The following MOV10L1 variants were observed in gnomAD, a reference collection of about 807,000 sequenced individuals.
The protein encoded by MOV10L1 is Mov10 like RNA helicase 1.
In MOV10L1, 110 loss-of-function variants were observed where a neutral mutation model predicts 143.8. That is an observed-to-expected ratio of 0.76 (90% CI 0.66 to 0.90). The LOEUF (loss-of-function observed/expected upper bound fraction) is 0.90, where lower values mean the gene tolerates loss of function less well. MOV10L1 is among the 40% of genes least tolerant of loss of function. The pLI is 0.00. For synonymous variants in MOV10L1, 593 were observed against 581.1 expected (o/e 1.02, Z -0.29); for missense variants, 1,406 against 1,526.8 (o/e 0.92, Z 1.32).
At chr22:50,149,844 G>T in intron 20 of MOV10L1, 130 bp downstream of exon 20, 1 of 722,296 alleles carries the variant, frequency 1.4e-6, no homozygotes. Flanking sequence ...ACCCCGAGGT[G>T]TTGGGGGCCA....
At position 50,130,477 on chromosome 22, in the gene MOV10L1, C is replaced by T. The variant is rs17836626; in HGVS notation, c.1910+1970C>T. Among the ~76,000 whole-genome samples the T allele has an allele frequency of 7.8e-3, 1,191 of 152,046 alleles. 61 individuals are homozygous for T. The East Asian group carries it at 0.12, about 15-fold the overall frequency. The stretch of plus-strand genomic sequence containing the variant: ...GGACTACGGGGGAATGGAGAAATGT[C>T]GTTGATTCCTTTTTAAGGCATTTGC... On this transcript the variant is annotated intron_variant, in intron 13 of 26. Transcript: ENST00000262794.
At chr22:50,096,112 G>A (rs1046090097) in intron 2 of MOV10L1, 7 of 152,108 alleles carry the variant, frequency 4.6e-5, no homozygotes, top group African/African-American at 1.4e-4. Context: ...CATTAAGCAC[G>A]TTCACATTGT....
chr22:50,150,589 TC>T, intron 20 of MOV10L1, 145 bp from the exon 21 acceptor site: 1 of 903,054 alleles, frequency 1.1e-6, no homozygotes, highest in Non-Finnish European at 1.6e-6. Flanking sequence ...CTGTCGGCAT[TC>T]CCTGGTCTCC....
At chr22:50,117,788 A>G (rs183189379) in intron 9 of MOV10L1, among the ~76,000 whole-genome samples, 1 of 152,174 alleles carries the variant, frequency 6.6e-6, no homozygotes, top group East Asian at 1.9e-4. Context: ...ATGTGGTACC[A>G]CTTAAGAATG....
At chr22:50,117,665 G>A (rs1383929728) in intron 9 of MOV10L1, among the ~76,000 whole-genome samples, 1 of 152,200 alleles carries the variant, frequency 6.6e-6, no homozygotes, top group Non-Finnish European at 1.5e-5. Context: ...GCCTCACCCA[G>A]CTCCTGCCAC....
chr22:50,126,403 A>C, intron 12 of MOV10L1, 131 bp downstream of exon 12: 1 of 560,950 alleles, frequency 1.8e-6, no homozygotes, highest in Non-Finnish European at 3.2e-6. Flanking sequence ...ATGTCAAGAT[A>C]CAGTGAATCT....
At position 50,133,878 on chromosome 22, in the gene MOV10L1, T is replaced by C. The variant is rs532394575; in HGVS notation, c.1911-129T>C. ...TTTTTCTGTTCTCTATTTCATTGATTGTTGGATTGTTGCTGTGATTTTTTT... is the reference window on the plus strand; with the variant it reads ...TTTTTCTGTTCTCTATTTCATTGATCGTTGGATTGTTGCTGTGATTTTTTT... On this transcript the variant is annotated intron_variant, in intron 13 of 26. Transcript: ENST00000262794. 4.1e-5 allele frequency: 32 copies of C among 779,470 alleles called. No individual in the cohort carries two copies. In the South Asian group the frequency reaches 4.9e-4, roughly 12 times the overall value. 48.3% of individuals were successfully genotyped at this position (779,470 alleles called of 1,614,324 possible).
At position 50,120,617 on chromosome 22, in the gene MOV10L1, G is replaced by A; in HGVS notation, c.1569+1G>A. ...GACTTTCCAGCCATTACTTGCAGAG[G>A]TAGGAAGTGTCTCATGGCCTGTGGG... On this transcript the variant is annotated splice_donor_variant, in intron 10 of 26. Coordinates refer to ENST00000262794, the MANE Select transcript of MOV10L1 (RefSeq NM_018995.3). LOFTEE classifies it high-confidence loss of function. The A allele has an allele frequency of 6.3e-7, 1 of 1,596,020 alleles. No individual in the cohort carries two copies. The highest frequency in any genetic ancestry group is 1.7e-5 in the Admixed American group (1 of 59,804).
At chr22:50,107,906 G>A (rs935135218) in intron 3 of MOV10L1, among the ~76,000 whole-genome samples, 3 of 152,252 alleles carry the variant, frequency 2.0e-5, no homozygotes, top group African/African-American at 7.2e-5. Flanking sequence ...GCACCTTCTA[G>A]AGCCTGGAGG....
At position 50,090,216 on chromosome 22, in the gene MOV10L1, T is replaced by C. The variant is rs1602089368; in HGVS notation, c.97+31T>C. 2.8e-6 allele frequency: 4 copies of C among 1,409,778 alleles called. 1 individual carries two copies. The highest frequency in any genetic ancestry group is 5.1e-4 in the Middle Eastern group (2 of 3,904). 87.3% of individuals were successfully genotyped at this position (1,409,778 alleles called of 1,614,324 possible). ...TCGCGGGAGGCGGCTGGGAGGCGGG[T>C]CCCGGGCCCTCGCGTGTCGGCCACG... On this transcript the variant is annotated intron_variant, in intron 1 of 26. Transcript: ENST00000262794.
At position 50,117,112 on chromosome 22, in the gene MOV10L1, A is replaced by G. The variant is rs778016763; in HGVS notation, c.1260-45A>G. 7.1e-6 allele frequency: 11 copies of G among 1,559,442 alleles called. No homozygotes were observed. In the South Asian group the frequency reaches 1.1e-4, roughly 15 times the overall value. ...CAAAGGAAAATTGTGTTGACTGCCT[A>G]TCTTATTTATGACTAAAACTAAATT... On this transcript the variant is annotated intron_variant, in intron 8 of 26. Transcript: ENST00000262794.
chr22:50,117,987 CTTT>C (rs1270395256), intron 9 of MOV10L1, among the ~76,000 whole-genome samples: 1 of 152,126 alleles, frequency 6.6e-6, no homozygotes, highest in Non-Finnish European at 1.5e-5. Flanking sequence ...TGTGATGTGA[CTTT>C]TCCTCCATCG....
At chr22:50,154,837 C>T (rs1025244456) in intron 22 of MOV10L1, among the ~76,000 whole-genome samples, 1 of 152,186 alleles carries the variant, frequency 6.6e-6, no homozygotes, top group African/African-American at 2.4e-5. Context: ...GTGTATTAGT[C>T]TTAAATTCCA....
Position 50,153,329 on chromosome 22 carries a change from CT to C in MOV10L1, c.3066+112del, listed in dbSNP as rs536228538. 7 of 1,291,334 alleles carry C rather than the reference CT, an allele frequency of 5.4e-6. No individual in the cohort carries two copies. The East Asian group carries it at 1.6e-4, about 30-fold the overall frequency. The allele number at this position is 1,291,334 out of a possible 1,614,324, so 80.0% of individuals were successfully genotyped here. A position where few individuals can be genotyped will look rare whatever the true frequency, so the allele number is the denominator to read the frequency against. ...ACCTGCCTGTGGCGGGGCAGATGTT[CT>C]GCTGGTCTCCAGAGAGTGAAAAGCC... On this transcript the variant is annotated intron_variant, in intron 22 of 26. Coordinates refer to ENST00000262794, the MANE Select transcript of MOV10L1 (RefSeq NM_018995.3).
At chr22:50,156,675 C>A in intron 22 of MOV10L1, among the ~76,000 whole-genome samples, 1 of 152,178 alleles carries the variant, frequency 6.6e-6, no homozygotes, top group Non-Finnish European at 1.5e-5. Context: ...CCTCAAGGTT[C>A]ATCCATGTTG....
chr22:50,112,528 C>T (rs898332126), intron 5 of MOV10L1, among the ~76,000 whole-genome samples: 4 of 152,238 alleles, frequency 2.6e-5, no homozygotes, highest in African/African-American at 9.6e-5. Flanking sequence ...CCGCACTCTC[C>T]TTCTCTTTAG....
rs767221349 is a variant in MOV10L1, at chr22:50,099,456, C to G, written c.296C>G (p.Ser99Cys). Residue 99 changes from serine (S) to cysteine (C), a missense_variant, in exon 3 of 27, where the codon TCT (serine) becomes TGT (cysteine). Ser to Cys is a moderately radical substitution (Grantham distance 112). Around this residue, in one of 3 missense-constraint regions of MOV10L1, gnomAD observed 166 missense variants for 153.9 expected, o/e 1.08. Coordinates refer to ENST00000262794, the MANE Select transcript of MOV10L1 (RefSeq NM_018995.3). ...GLKAIRVEAV[S>C]DKWEDDSRNH... is the part of the protein sequence containing the mutation. ...TTTGTTTTACAGGTAGAAGCTGTCT[C>G]TGATAAGTGGGAAGACGACAGCAGA... 1.9e-6 allele frequency: 3 copies of G among 1,613,846 alleles called. No homozygotes were observed. Among genetic ancestry groups the G allele is most frequent in the African/African-American group, 1.3e-5 (1 of 74,894 alleles).
In MOV10L1 at chr22:50,142,101, C is replaced by T; in HGVS notation, c.2091C>T (p.Asp697=). Residue 697 remains aspartate, a synonymous_variant, in exon 16 of 27, where the codon GAC becomes GAT. Transcript: ENST00000262794. ...TCTAGAATAGGAAAACAATGACGGA[C>T]CAAGCTGAGCATGGAACAGAGGAGA... ...TSKKNRKTMT[D]QAEHGTEERR... is the part of the protein sequence containing the mutation. The T allele has an allele frequency of 6.2e-7, 1 of 1,610,268 alleles. No homozygotes were observed. The highest frequency in any genetic ancestry group is 8.5e-7 in the Non-Finnish European group (1 of 1,178,800).
At chr22:50,103,194 C>T (rs1344944000) in intron 3 of MOV10L1, among the ~76,000 whole-genome samples, 1 of 152,196 alleles carries the variant, frequency 6.6e-6, no homozygotes, top group African/African-American at 2.4e-5. Context: ...ATGTGGACAG[C>T]GTGCTGGGGC....
Sources: allele counts gnomAD v4.1 joint callset (sites outside exome capture counted in the v4.1 genomes callset), GRCh38; gene constraint gnomAD v4.1.1; regional missense constraint gnomAD v4.1.1; transcripts MANE v1.5; gene names NCBI Gene and HGNC (gene_info 2026-07-23, HGNC 2026-07-21).